Variants in CNTNAP5 observed in about 807,000 individuals in gnomAD.
CNTNAP5 encodes the protein contactin-associated protein-like 5.
In CNTNAP5, 72 loss-of-function variants were observed where a neutral mutation model predicts 150.2. That is an observed-to-expected ratio of 0.48 (90% CI 0.40 to 0.58). CNTNAP5 has a LOEUF of 0.58. Among genes scored for constraint, CNTNAP5 ranks in the 20% least tolerant of loss-of-function variants. The pLI is 0.00. For missense variants in CNTNAP5, 1,636 were observed against 1,626.2 expected, an observed-to-expected ratio of 1.01 and a Z score of -0.10; for synonymous variants, 672 against 619.8, an observed-to-expected ratio of 1.08 and a Z score of -1.25.
intron 13 of CNTNAP5, among the ~76,000 whole-genome samples, chr2:124,663,825 C>T (rs1484737523): frequency 1.3e-5 from 2 of 152,140 alleles, no homozygotes; most frequent in Non-Finnish European, 2.9e-5. Context: ...AAAATAGCAA[C>T]ATTCCACAAT....
At chr2:124,518,279 T>C (rs1031474774) in intron 8 of CNTNAP5, among the ~76,000 whole-genome samples, 1 of 152,238 alleles carries the variant, frequency 6.6e-6, no homozygotes, top group Non-Finnish European at 1.5e-5. Flanking sequence ...ATATGCTCTG[T>C]AACTATTTTT....
At chr2:124,799,418 G>C (rs1681918197) in intron 19 of CNTNAP5, among the ~76,000 whole-genome samples, 1 of 152,174 alleles carries the variant, frequency 6.6e-6, no homozygotes, top group South Asian at 2.1e-4. Flanking sequence ...TTATGGGGTA[G>C]AACATACAAC....
intron 1 of CNTNAP5, among the ~76,000 whole-genome samples, chr2:124,149,136 T>C (rs62163891): frequency 0.16 from 23,616 of 151,960 alleles, 1,962 homozygotes; most frequent in Non-Finnish European, 0.19. Flanking sequence ...CTGTGGGTGT[T>C]TCGTTAAGTT....
At chr2:124,780,567 T>G (rs1681429452) in intron 17 of CNTNAP5, among the ~76,000 whole-genome samples, 1 of 152,202 alleles carries the variant, frequency 6.6e-6, no homozygotes, top group African/African-American at 2.4e-5. Flanking sequence ...ATTTTCAAAT[T>G]ACTATATGGT....
At chr2:124,873,013 G>A (rs1157453564) in intron 21 of CNTNAP5, among the ~76,000 whole-genome samples, 2 of 151,998 alleles carry the variant, frequency 1.3e-5, no homozygotes, top group African/African-American at 2.4e-5. Flanking sequence ...GTCCATTTTG[G>A]CATTGCCATA....
intron 3 of CNTNAP5, among the ~76,000 whole-genome samples, chr2:124,396,469 G>T (rs1167984518): frequency 6.6e-6 from 1 of 152,162 alleles, no homozygotes; most frequent in African/African-American, 2.4e-5. Flanking sequence ...GTTCTAGGGG[G>T]TCCCTTTTTT....
intron 19 of CNTNAP5, among the ~76,000 whole-genome samples, chr2:124,859,826 A>G (rs1057479766): frequency 1.4e-4 from 22 of 151,906 alleles, no homozygotes; most frequent in African/African-American, 4.8e-4. Flanking sequence ...ACCAAACACC[A>G]CATGTTCTCA....
chr2:124,210,174 C>A (rs906795464), intron 1 of CNTNAP5, among the ~76,000 whole-genome samples: 5 of 152,078 alleles, frequency 3.3e-5, no homozygotes, highest in Admixed American at 2.0e-4. Flanking sequence ...AAAACCATCA[C>A]CTTATGACAT....
At chr2:124,046,445 A>AAAC (rs1558736633) in intron 1 of CNTNAP5, among the ~76,000 whole-genome samples, 1 of 151,622 alleles carries the variant, frequency 6.6e-6, no homozygotes, top group East Asian at 1.9e-4. Flanking sequence ...AAAAAAAAAA[A>AAAC]AAAACAGAGA....
At chr2:124,084,030 G>T (rs974424654) in intron 1 of CNTNAP5, among the ~76,000 whole-genome samples, 1 of 122,254 alleles carries the variant, frequency 8.2e-6, no homozygotes, top group Non-Finnish European at 1.7e-5. Context: ...CTGTGTATCT[G>T]TCCATTTATA....
At chr2:124,753,455 T>C (rs1254999027) in intron 14 of CNTNAP5, among the ~76,000 whole-genome samples, 2 of 152,230 alleles carry the variant, frequency 1.3e-5, no homozygotes, top group Non-Finnish European at 2.9e-5. Flanking sequence ...TGAAATTTAC[T>C]TCCTTGTTAG....
At chr2:124,330,517 G>A (rs1186178353) in intron 3 of CNTNAP5, among the ~76,000 whole-genome samples, 11 of 152,050 alleles carry the variant, frequency 7.2e-5, no homozygotes, top group Non-Finnish European at 1.5e-4. Flanking sequence ...GAGTTCTCAC[G>A]AGATCTGATG....
chr2:124,643,049 G>A (rs1678127086), intron 12 of CNTNAP5, among the ~76,000 whole-genome samples: 1 of 152,144 alleles, frequency 6.6e-6, no homozygotes, highest in Admixed American at 6.5e-5. Context: ...TGACACTCAT[G>A]CCAACCCACT....
chr2:124,424,617 A>G (rs754540553), intron 4 of CNTNAP5, among the ~76,000 whole-genome samples: 1 of 152,194 alleles, frequency 6.6e-6, no homozygotes, highest in Non-Finnish European at 1.5e-5. Flanking sequence ...TAACAACACT[A>G]AAATAAAAGA....
intron 10 of CNTNAP5, among the ~76,000 whole-genome samples, chr2:124,541,179 A>ATTTTTCTTTTTTTTTTTTTTTTTTTTT (rs1695373597): frequency 1.2e-5 from 1 of 83,082 alleles, no homozygotes; most frequent in Admixed American, 1.5e-4. Flanking sequence ...CAAAATTCCG[A>ATTTTTCTTTTTTTTTTTTTTTTTTTTT]TTTTTTTTTT....
chr2:124,329,537 A>G (rs1031652937), intron 3 of CNTNAP5, among the ~76,000 whole-genome samples: 3 of 152,178 alleles, frequency 2.0e-5, no homozygotes, highest in African/African-American at 7.2e-5. Flanking sequence ...CCAAAGCTCC[A>G]TACCTTGGTA....
chr2:124,440,295 G>T (rs1357287342), intron 5 of CNTNAP5, among the ~76,000 whole-genome samples: 1 of 152,164 alleles, frequency 6.6e-6, no homozygotes, highest in African/African-American at 2.4e-5. Flanking sequence ...GAATTCACGT[G>T]ACTAGCCACC....
intron 3 of CNTNAP5, among the ~76,000 whole-genome samples, chr2:124,279,514 T>C (rs1687963359): frequency 6.6e-6 from 1 of 152,072 alleles, no homozygotes; most frequent in South Asian, 2.1e-4. Flanking sequence ...GCCCTCAAAC[T>C]TCATTCAAAC....
chr2:124,646,243 G>A (rs1678199760), intron 12 of CNTNAP5, among the ~76,000 whole-genome samples: 1 of 152,192 alleles, frequency 6.6e-6, no homozygotes, highest in African/African-American at 2.4e-5. Context: ...GAGCTAGTGA[G>A]GGAGAAAGGA....
Sources: gnomAD v4.1 joint callset for allele counts (sites outside exome capture counted in the v4.1 genomes callset) on GRCh38, gnomAD v4.1.1 for gene constraint, MANE v1.5 for transcripts, NCBI Gene and HGNC (gene_info 2026-07-23, HGNC 2026-07-21) for gene names.